IGF2BP3: variants seen among roughly 807,000 people sequenced by gnomAD.
The protein encoded by IGF2BP3 is insulin like growth factor 2 mRNA binding protein 3, also known as insulin-like growth factor 2 mRNA-binding protein 3.
A neutral mutation model predicts 73.8 loss-of-function variants in IGF2BP3; 9 were observed. That is an observed-to-expected ratio of 0.12 (90% CI 0.07 to 0.21). The LOEUF is 0.21. IGF2BP3 is among the 10% of genes least tolerant of loss of function. The pLI is 1.00. For missense variants in IGF2BP3, 542 were observed against 714.0 expected, an observed-to-expected ratio of 0.76 and a Z score of 2.75; for synonymous variants, 258 against 256.7, an observed-to-expected ratio of 1.01 and a Z score of -0.05.
At chr7:23,368,014 A>C (rs1249866070) in intron 3 of IGF2BP3, among the ~76,000 whole-genome samples, 1 of 152,142 alleles carries the variant, frequency 6.6e-6, no homozygotes, top group Non-Finnish European at 1.5e-5. Flanking sequence ...AAAACAAAAA[A>C]AAACAAAAAA....
intron 3 of IGF2BP3, among the ~76,000 whole-genome samples, chr7:23,376,030 C>G (rs1785706603): frequency 1.3e-5 from 2 of 152,110 alleles, no homozygotes; most frequent in African/African-American, 4.8e-5. Context: ...TCAATAGGTG[C>G]AGTTAAGAAT....
At chr7:23,326,022 T>C (rs1019622914) in intron 10 of IGF2BP3, among the ~76,000 whole-genome samples, 1 of 152,108 alleles carries the variant, frequency 6.6e-6, no homozygotes, top group Non-Finnish European at 1.5e-5. Flanking sequence ...ACTTCATGTC[T>C]AAAACACCAA....
Position 23,321,682 on chromosome 7 carries a change from C to T in IGF2BP3, c.1204-2428G>A, listed in dbSNP as rs1209266667. On this transcript the variant is annotated intron_variant, in intron 10 of 14. Transcript: ENST00000258729. ...AGACTTAAATGTCCCTGTGTGACAGCTTTGAAGAGAGCAGTGGTTCTCCCA... is the reference window on the plus strand; with the variant it reads ...AGACTTAAATGTCCCTGTGTGACAGTTTTGAAGAGAGCAGTGGTTCTCCCA... Among the ~76,000 whole-genome samples, 3 of 152,222 alleles carry T rather than the reference C, an allele frequency of 2.0e-5. No individual in the cohort carries two copies. The East Asian group carries it at 5.8e-4, about 29-fold the overall frequency.
intron 2 of IGF2BP3, among the ~76,000 whole-genome samples, chr7:23,425,078 T>C (rs1295032455): frequency 6.6e-6 from 1 of 152,234 alleles, no homozygotes; most frequent in Non-Finnish European, 1.5e-5. Flanking sequence ...TAGAAGTGAT[T>C]AGCAAAAATT....
intron 8 of IGF2BP3, among the ~76,000 whole-genome samples, chr7:23,344,227 A>G (rs1032257856): frequency 1.3e-5 from 2 of 152,240 alleles, no homozygotes; most frequent in African/African-American, 4.8e-5. Flanking sequence ...AAATACCCTA[A>G]GTACATAACC....
At chr7:23,342,016 A>G (rs756205767) in intron 10 of IGF2BP3, 48 bp downstream of exon 10, 2 of 1,500,294 alleles carry the variant, frequency 1.3e-6, no homozygotes, top group African/African-American at 1.4e-5. Flanking sequence ...CTAGGTTTAC[A>G]TTAAGATTTT....
At chr7:23,407,325 A>AG (rs1354624040) in intron 3 of IGF2BP3, among the ~76,000 whole-genome samples, 1 of 151,384 alleles carries the variant, frequency 6.6e-6, no homozygotes, top group Non-Finnish European at 1.5e-5. Context: ...AAAAAAAAAA[A>AG]GGGCTGGGTG....
intron 2 of IGF2BP3, chr7:23,467,699 A>G (rs1788599493): frequency 1.3e-5 from 2 of 152,330 alleles, no homozygotes; most frequent in Non-Finnish European, 2.9e-5. Context: ...AAAAAGGGAA[A>G]GAGCCATGTC....
In IGF2BP3 at chr7:23,412,230, G is replaced by A. The variant is rs140711606; in HGVS notation, c.285+6546C>T. On this transcript the variant is annotated intron_variant, in intron 3 of 14. Transcript: ENST00000258729. ...ACTCCTGGCCTCAAGTGATTTGCCT[G>A]CCTCAGCCTCCCAAAGTGCTGGGAT... Among the ~76,000 whole-genome samples, 337 of 152,098 alleles carry A rather than the reference G, an allele frequency of 2.2e-3. 1 individual carries two copies. Among genetic ancestry groups the A allele is most frequent in the East Asian group, 0.016 (81 of 5,164 alleles).
At chr7:23,401,285 C>T (rs898533488) in intron 3 of IGF2BP3, among the ~76,000 whole-genome samples, 6 of 152,152 alleles carry the variant, frequency 3.9e-5, no homozygotes, top group Admixed American at 6.5e-5. Flanking sequence ...GGAACAGTTG[C>T]GGGCCCCCTG....
intron 10 of IGF2BP3, among the ~76,000 whole-genome samples, chr7:23,324,600 C>T (rs1266108646): frequency 8.1e-5 from 8 of 98,982 alleles, no homozygotes; most frequent in East Asian, 8.0e-4. Context: ...ATACCAAAGC[C>T]GGGCAGAGAC....
intron 10 of IGF2BP3, among the ~76,000 whole-genome samples, chr7:23,327,244 A>T (rs1784325003): frequency 6.6e-6 from 1 of 151,426 alleles, no homozygotes. Flanking sequence ...TGTAGTATGT[A>T]TACACACAGC....
chr7:23,440,163 T>C (rs2128544747), intron 2 of IGF2BP3, among the ~76,000 whole-genome samples: 1 of 151,752 alleles, frequency 6.6e-6, no homozygotes, highest in South Asian at 2.1e-4. Flanking sequence ...CTCGGGAGGC[T>C]GAGGCAGGAG....
Position 23,468,479 on chromosome 7 carries a change from C to T in IGF2BP3, c.236+3G>A. ...ATCGGGGCAAACAGAAGCAGCAGCT[C>T]ACCTTTGCCTTTTTGGGACCGAGTG... is the stretch of plus-strand genomic sequence containing the variant. On this transcript the variant is annotated splice_donor_region_variant and intron_variant, in intron 2 of 14. Transcript: ENST00000258729. 1.9e-6 allele frequency: 3 copies of T among 1,614,168 alleles called. No individual in the cohort carries two copies. Among genetic ancestry groups the T allele is most frequent in the Non-Finnish European group, 2.5e-6 (3 of 1,179,972 alleles).
chr7:23,367,327 T>G (rs897531609), intron 3 of IGF2BP3, among the ~76,000 whole-genome samples: 2 of 152,066 alleles, frequency 1.3e-5, no homozygotes, highest in Non-Finnish European at 2.9e-5. Flanking sequence ...AGTGTTCCTG[T>G]TACCTGTCAC....
intron 10 of IGF2BP3, among the ~76,000 whole-genome samples, chr7:23,336,534 C>T (rs566573262): frequency 2.1e-4 from 31 of 151,132 alleles, no homozygotes; most frequent in South Asian, 1.7e-3. Flanking sequence ...GAGACAGAGT[C>T]TTGCTTAGTC....
chr7:23,322,135 G>A (rs566294258), intron 10 of IGF2BP3, among the ~76,000 whole-genome samples: 8 of 152,304 alleles, frequency 5.3e-5, no homozygotes, highest in East Asian at 3.9e-4. Context: ...GCTACGGGAG[G>A]AAATTCAAAC....
intron 3 of IGF2BP3, among the ~76,000 whole-genome samples, chr7:23,385,446 C>A (rs1319884999): frequency 1.3e-5 from 2 of 152,142 alleles, no homozygotes; most frequent in Non-Finnish European, 2.9e-5. Context: ...TGAGACATAG[C>A]CTGGACATTA....
At chr7:23,449,504 G>A (rs1788144640) in intron 2 of IGF2BP3, among the ~76,000 whole-genome samples, 1 of 149,874 alleles carries the variant, frequency 6.7e-6, no homozygotes, top group African/African-American at 2.4e-5. Flanking sequence ...GACACAGCGA[G>A]ACTCCGTCTA....
Sources: allele counts gnomAD v4.1 joint callset (sites outside exome capture counted in the v4.1 genomes callset), GRCh38; gene constraint gnomAD v4.1.1; transcripts MANE v1.5; gene names NCBI Gene and HGNC (gene_info 2026-07-23, HGNC 2026-07-21).